OPA1: variants seen among roughly 807,000 people sequenced by gnomAD.
OPA1 encodes the protein OPA1 mitochondrial dynamin like GTPase, also known as dynamin-like GTPase OPA1, mitochondrial.
Under a neutral mutation model 152.9 loss-of-function variants are expected in OPA1, and 59 were observed. The observed-to-expected ratio is 0.39, with a 90% confidence interval of 0.31 to 0.48. The LOEUF is 0.48. Ranked by LOEUF, OPA1 falls within the 20% of genes least tolerant of loss-of-function variation. The pLI is 0.96. For missense variants in OPA1, 1,008 were observed against 1,216.8 expected (o/e 0.83, Z 2.55); for synonymous variants, 400 against 389.9 (o/e 1.03, Z -0.31).
intron 1 of OPA1, among the ~76,000 whole-genome samples, chr3:193,604,587 A>G (rs1172376976): frequency 6.6e-6 from 1 of 152,172 alleles, no homozygotes; most frequent in Non-Finnish European, 1.5e-5. Context: ...TTGGCCAGGC[A>G]TGGTGGCTAA....
intron 29 of OPA1, among the ~76,000 whole-genome samples, chr3:193,672,003 T>C (rs964402445): frequency 1.3e-5 from 2 of 152,344 alleles, no homozygotes; most frequent in South Asian, 4.1e-4. Context: ...TTTCATGAAA[T>C]TCTTTTGATT....
intron 29 of OPA1, among the ~76,000 whole-genome samples, chr3:193,681,231 C>A (rs1186951297): frequency 2.0e-5 from 3 of 152,168 alleles, no homozygotes; most frequent in African/African-American, 7.2e-5. Flanking sequence ...GCAGAATATT[C>A]TTAAATTACT....
intron 1 of OPA1, among the ~76,000 whole-genome samples, chr3:193,609,939 C>T (rs539811764): frequency 0.036 from 1,835 of 51,518 alleles, 17 homozygotes; most frequent in Middle Eastern, 0.052. Context: ...AGCCGTTCGT[C>T]GAATTTTTTT....
At chr3:193,643,465 T>C (rs1049469224) in intron 14 of OPA1, 21 bp downstream of exon 14, 1 of 1,605,128 alleles carries the variant, frequency 6.2e-7, no homozygotes, top group African/African-American at 1.3e-5. Context: ...ACAAAACATG[T>C]ATTTTATTTT....
chr3:193,651,758 TACAC>T (rs1390777370), intron 21 of OPA1, among the ~76,000 whole-genome samples: 3 of 152,082 alleles, frequency 2.0e-5, no homozygotes, highest in African/African-American at 7.2e-5. Context: ...CTTGTGTAAA[TACAC>T]ACAAATAGTT....
At chr3:193,657,870 A>G (rs375345510) in intron 23 of OPA1, among the ~76,000 whole-genome samples, 1 of 152,112 alleles carries the variant, frequency 6.6e-6, no homozygotes, top group African/African-American at 2.4e-5. Flanking sequence ...GAGTTACTAG[A>G]GGTGTTGTTG....
chr3:193,664,754 A>G (rs890685115), intron 26 of OPA1, 126 bp from the exon 27 acceptor site: 5 of 659,040 alleles, frequency 7.6e-6, no homozygotes, highest in Admixed American at 2.7e-5. Context: ...AACTATGTAA[A>G]GAATAACCTT....
At chr3:193,622,495 G>A (rs1730318454) in intron 6 of OPA1, among the ~76,000 whole-genome samples, 1 of 152,058 alleles carries the variant, frequency 6.6e-6, no homozygotes, top group South Asian at 2.1e-4. Context: ...CCAAAGTGTT[G>A]GGATTACAGG....
intron 16 of OPA1, 30 bp from the exon 17 acceptor site, chr3:193,645,523 C>T (rs371798224): frequency 6.5e-7 from 1 of 1,545,214 alleles, no homozygotes; most frequent in East Asian, 2.3e-5. Flanking sequence ...AACTATATCT[C>T]ACATTAATTT....
intron 7 of OPA1, chr3:193,628,553 T>A (rs2108960085): frequency 6.6e-6 from 1 of 152,318 alleles, no homozygotes; most frequent in Admixed American, 6.5e-5. Context: ...CTCCATCAGT[T>A]TCATAGCCCT....
Position 193,654,175 on chromosome 3 carries a change from C to A in OPA1, c.2013-687C>A, listed in dbSNP as rs375829496. On this transcript the variant is annotated intron_variant, in intron 21 of 30. Coordinates refer to ENST00000361510, the MANE Select transcript of OPA1 (RefSeq NM_130837.3). ...ACAAGAATGGATAAACACATTCATG[C>A]AACATAATACTACACAGAAATAAAA... Among the ~76,000 whole-genome samples the A allele has an allele frequency of 1.3e-4, 20 of 152,212 alleles. No individual in the cohort carries two copies. In the East Asian group the frequency reaches 2.7e-3, roughly 21 times the overall value.
chr3:193,662,777 A>G (rs374606423), intron 25 of OPA1, 45 bp from the exon 26 acceptor site: 12 of 1,572,154 alleles, frequency 7.6e-6, no homozygotes, highest in Admixed American at 6.9e-5. Context: ...TCAAGCACCA[A>G]ATTATGAACC....
chr3:193,617,304 G>T lies in OPA1; in HGVS notation c.556+19G>T. On this transcript the variant is annotated intron_variant, in intron 4 of 30. Transcript: ENST00000361510. ...ACCTCAGGTAAGGAAGAAGCTGTTT[G>T]ATCTAATTTAAAAATTTAAGAACCA... 6.9e-7 allele frequency: 1 copy of T among 1,441,456 alleles called. No homozygotes were observed. The highest frequency in any genetic ancestry group is 2.3e-5 in the East Asian group (1 of 44,024). 89.3% of individuals were successfully genotyped at this position (1,441,456 alleles called of 1,614,324 possible).
intron 26 of OPA1, 152 bp downstream of exon 26, chr3:193,663,114 T>C: frequency 1.4e-6 from 1 of 717,128 alleles, no homozygotes; most frequent in Non-Finnish European, 2.4e-6. Context: ...GTCATTTTGA[T>C]TGCGTGAAGA....
At chr3:193,635,322 T>C (rs537715547) in intron 8 of OPA1, 96 bp from the exon 9 acceptor site, 12 of 731,258 alleles carry the variant, frequency 1.6e-5, no homozygotes, top group Non-Finnish European at 2.9e-5. Flanking sequence ...AAATAGGAGA[T>C]ATGACTTCAA....
chr3:193,617,782 A>C lies in OPA1; in HGVS notation c.557-2A>C, dbSNP rs1577164775. 1 of 1,608,746 alleles carries C rather than the reference A, an allele frequency of 6.2e-7. No individual in the cohort carries two copies. ...ATTTCCCCTTTTGCTGATTTTTCAC[A>C]GGTCACAAATTGGTTAGTGAAGTCA... is the stretch of plus-strand genomic sequence containing the variant. On this transcript the variant is annotated splice_acceptor_variant, in intron 4 of 30. Transcript: ENST00000361510. LOFTEE classifies it high-confidence loss of function.
intron 1 of OPA1, among the ~76,000 whole-genome samples, chr3:193,610,132 T>C (rs1368210933): frequency 6.6e-6 from 1 of 152,202 alleles, no homozygotes; most frequent in Non-Finnish European, 1.5e-5. Context: ...GAATTTTCAG[T>C]ATTTTTGCTC....
At chr3:193,607,614 A>C (rs567988438) in intron 1 of OPA1, among the ~76,000 whole-genome samples, 1 of 152,176 alleles carries the variant, frequency 6.6e-6, no homozygotes, top group Non-Finnish European at 1.5e-5. Flanking sequence ...GTTCTGTTCC[A>C]TTGGCCTATA....
chr3:193,613,785 C>G (rs1311721927), intron 1 of OPA1: 1 of 386,616 alleles, frequency 2.6e-6, no homozygotes, highest in Non-Finnish European at 5.0e-6. Context: ...ACCATGTTGG[C>G]CAGGCTGGTC....
Sources: gnomAD v4.1 joint callset for allele counts (sites outside exome capture counted in the v4.1 genomes callset) on GRCh38, gnomAD v4.1.1 for gene constraint, MANE v1.5 for transcripts, NCBI Gene and HGNC (gene_info 2026-07-23, HGNC 2026-07-21) for gene names.